GRIN2B: variants seen among roughly 807,000 people sequenced by gnomAD.
GRIN2B encodes the protein glutamate ionotropic receptor NMDA type subunit 2B.
A neutral mutation model predicts 114.5 loss-of-function variants in GRIN2B; 5 were observed. The ratio of observed to expected loss-of-function variants is 0.04; its 90% CI spans 0.02 to 0.09. The LOEUF (loss-of-function observed/expected upper bound fraction) is 0.09. GRIN2B is among the 10% of genes least tolerant of loss of function. The probability of loss-of-function intolerance (pLI) is 1.00; values close to 1 mark genes in which losing one functional copy is unlikely to be tolerated. For synonymous variants in GRIN2B, 787 were observed against 745.1 expected (o/e 1.06, Z -0.92); for missense variants, 1,108 against 1,943.5 (o/e 0.57, Z 8.08).
intron 10 of GRIN2B, among the ~76,000 whole-genome samples, chr12:13,572,580 C>G (rs561129318): frequency 6.6e-6 from 1 of 152,252 alleles, no homozygotes; most frequent in African/African-American, 2.4e-5. Context: ...TGTTCCCTTT[C>G]TTGCTTGAGA....
At chr12:13,566,863 T>C (rs1351345943) in intron 13 of GRIN2B, among the ~76,000 whole-genome samples, 162 bp downstream of exon 13, 1 of 152,218 alleles carries the variant, frequency 6.6e-6, no homozygotes. Context: ...CTGAGCCACT[T>C]GCAATCATAT....
chr12:13,865,125 G>C (rs139034675), intron 3 of GRIN2B, among the ~76,000 whole-genome samples: 36 of 152,234 alleles, frequency 2.4e-4, no homozygotes, highest in African/African-American at 8.7e-4. Context: ...TCTTTTTATA[G>C]TCTTGAAAAC....
At chr12:13,588,624 C>G (rs968160668) in intron 10 of GRIN2B, among the ~76,000 whole-genome samples, 2 of 152,224 alleles carry the variant, frequency 1.3e-5, no homozygotes, top group African/African-American at 2.4e-5. Context: ...GGGACAGGAA[C>G]AGGCTTTGTC....
At chr12:13,766,091 G>A (rs1389283629) in intron 3 of GRIN2B, among the ~76,000 whole-genome samples, 1 of 152,148 alleles carries the variant, frequency 6.6e-6, no homozygotes. Flanking sequence ...ACTCTGCAGT[G>A]TTCTTCTACT....
chr12:13,867,983 A>T (rs981690858), intron 2 of GRIN2B, among the ~76,000 whole-genome samples: 1 of 152,068 alleles, frequency 6.6e-6, no homozygotes, highest in East Asian at 1.9e-4. Context: ...AAAGATAAGG[A>T]AGTGTTCGAG....
At chr12:13,794,218 A>G (rs1209222157) in intron 3 of GRIN2B, among the ~76,000 whole-genome samples, 3 of 151,026 alleles carry the variant, frequency 2.0e-5, no homozygotes, top group South Asian at 2.1e-4. Flanking sequence ...AAAAAAAAAA[A>G]AAAAAGAAAA....
chr12:13,612,162 T>C (rs1168477125), intron 8 of GRIN2B, among the ~76,000 whole-genome samples: 1 of 152,246 alleles, frequency 6.6e-6, no homozygotes, highest in Non-Finnish European at 1.5e-5. Flanking sequence ...AAGCACTAGC[T>C]ATGAAGTGAG....
intron 10 of GRIN2B, among the ~76,000 whole-genome samples, chr12:13,590,579 T>G (rs1207329340): frequency 1.3e-5 from 2 of 152,188 alleles, no homozygotes; most frequent in Non-Finnish European, 2.9e-5. Flanking sequence ...GGACATGAAC[T>G]CATTTTTTTT....
At chr12:13,645,540 G>A (rs536922932) in intron 5 of GRIN2B, among the ~76,000 whole-genome samples, 3 of 152,216 alleles carry the variant, frequency 2.0e-5, no homozygotes, top group Non-Finnish European at 2.9e-5. Flanking sequence ...CTCTACCCAG[G>A]ACTGCCACAA....
At chr12:13,932,986 T>TGTGTGTGTGTGCGC (rs61241187) in intron 2 of GRIN2B, among the ~76,000 whole-genome samples, 23 of 148,298 alleles carry the variant, frequency 1.6e-4, no homozygotes, top group Non-Finnish European at 2.7e-4. Context: ...TGTGTGTGTG[T>TGTGTGTGTGTGCGC]GCGTGTGCGT....
intron 9 of GRIN2B, among the ~76,000 whole-genome samples, chr12:13,610,690 A>C (rs1949356920): frequency 6.6e-6 from 1 of 152,242 alleles, no homozygotes; most frequent in South Asian, 2.1e-4. Context: ...ATTTTATAAA[A>C]TACTGCTGCC....
chr12:13,871,552 C>G (rs1375931115), intron 2 of GRIN2B, among the ~76,000 whole-genome samples: 1 of 150,926 alleles, frequency 6.6e-6, no homozygotes, highest in Non-Finnish European at 1.5e-5. Context: ...TATAAGAAAC[C>G]AAGAAAATAA....
chr12:13,637,358 TTG>T (rs1949674963), intron 5 of GRIN2B, among the ~76,000 whole-genome samples: 1 of 152,142 alleles, frequency 6.6e-6, no homozygotes. Context: ...CTGTTCCCCT[TTG>T]TATGTTTTTA....
intron 2 of GRIN2B, among the ~76,000 whole-genome samples, chr12:13,919,757 C>T (rs768488605): frequency 6.6e-6 from 1 of 152,034 alleles, no homozygotes; most frequent in Non-Finnish European, 1.5e-5. Context: ...ATGCGGGGAT[C>T]GTCTCCCTGG....
intron 4 of GRIN2B, among the ~76,000 whole-genome samples, chr12:13,731,954 G>T (rs1863093217): frequency 6.6e-6 from 1 of 152,034 alleles, no homozygotes; most frequent in Admixed American, 6.5e-5. Context: ...ACCTTTCAGG[G>T]TTCTCCATGA....
intron 3 of GRIN2B, among the ~76,000 whole-genome samples, chr12:13,815,175 A>C (rs1221121336): frequency 6.6e-6 from 1 of 152,210 alleles, no homozygotes; most frequent in Non-Finnish European, 1.5e-5. Context: ...TGGCCGAATA[A>C]ATGAAAGAAT....
chr12:13,814,313 C>T (rs1864781177), intron 3 of GRIN2B, among the ~76,000 whole-genome samples: 2 of 152,202 alleles, frequency 1.3e-5, no homozygotes, highest in Non-Finnish European at 2.9e-5. Flanking sequence ...AGCCAGATCT[C>T]ACATGCTATG....
intron 3 of GRIN2B, among the ~76,000 whole-genome samples, chr12:13,768,277 G>A (rs1463747431): frequency 6.6e-6 from 1 of 152,176 alleles, no homozygotes; most frequent in East Asian, 1.9e-4. Context: ...CCATCTTGCA[G>A]CTGCCCAGTG....
intron 2 of GRIN2B, among the ~76,000 whole-genome samples, chr12:13,949,987 G>A (rs1350165175): frequency 6.6e-6 from 1 of 152,076 alleles, no homozygotes; most frequent in African/African-American, 2.4e-5. Context: ...TATAGAACAG[G>A]CACTTAAATT....
Sources: gnomAD v4.1 joint callset for allele counts (sites outside exome capture counted in the v4.1 genomes callset) on GRCh38, gnomAD v4.1.1 for gene constraint, MANE v1.5 for transcripts, NCBI Gene and HGNC (gene_info 2026-07-23, HGNC 2026-07-21) for gene names.